THSD7A: variants seen among roughly 807,000 people sequenced by gnomAD.
The protein encoded by THSD7A is thrombospondin type-1 domain-containing protein 7A.
A neutral mutation model predicts 231.3 loss-of-function variants in THSD7A; 96 were observed. The observed-to-expected ratio is 0.41, with a 90% CI of 0.35 to 0.49. THSD7A has a LOEUF of 0.49. Among genes scored for constraint, THSD7A ranks in the 20% least tolerant of loss-of-function variants. THSD7A has a pLI of 0.05. For synonymous variants in THSD7A, 940 were observed against 743.3 expected, an observed-to-expected ratio of 1.26 and a Z score of -4.30; for missense variants, 2,290 against 2,070.2, an observed-to-expected ratio of 1.11 and a Z score of -2.06.
At chr7:11,531,081 A>G (rs967372744) in intron 6 of THSD7A, among the ~76,000 whole-genome samples, 1 of 152,208 alleles carries the variant, frequency 6.6e-6, no homozygotes. Flanking sequence ...GGATAATACC[A>G]TAACACTAGT....
intron 6 of THSD7A, among the ~76,000 whole-genome samples, chr7:11,495,009 T>G (rs968111234): frequency 6.6e-6 from 1 of 152,062 alleles, no homozygotes; most frequent in African/African-American, 2.4e-5. Flanking sequence ...CATAAATGGA[T>G]GTTTAATATC....
Position 11,411,206 on chromosome 7 carries a change from C to A in THSD7A, c.3798+1G>T. On this transcript the variant is annotated splice_donor_variant, in intron 19 of 27. Transcript: ENST00000423059. LOFTEE classifies it high-confidence loss of function. This position sits in a 1 kb window ranked among gnomAD's most constrained non-coding sequence, Gnocchi z 4.1. ...GAAGATATAACACAGCATCCACCTA[C>A]CGCTTCACAATATTTCAGGTCAACT... is the stretch of plus-strand genomic sequence containing the variant. 1 of 1,608,896 alleles carries A rather than the reference C, an allele frequency of 6.2e-7. No homozygotes were observed. The highest frequency in any genetic ancestry group is 8.5e-7 in the Non-Finnish European group (1 of 1,175,806).
intron 4 of THSD7A, among the ~76,000 whole-genome samples, chr7:11,574,415 C>T (rs1270453787): frequency 6.6e-6 from 1 of 150,440 alleles, no homozygotes; most frequent in African/African-American, 2.4e-5. Context: ...ACCTTCCTGT[C>T]ATAGAAAAGG....
chr7:11,820,575 C>G, intron 1 of THSD7A: 1 of 720,376 alleles, frequency 1.4e-6, no homozygotes, highest in Non-Finnish European at 2.4e-6. Context: ...GTTATTGTTC[C>G]CAGAGTAGTT....
At chr7:11,719,188 T>G (rs1342978468) in intron 1 of THSD7A, among the ~76,000 whole-genome samples, 1 of 151,608 alleles carries the variant, frequency 6.6e-6, no homozygotes, top group African/African-American at 2.4e-5. Context: ...TCTCTACTTC[T>G]TTATTCTCTT....
chr7:11,452,846 T>C (rs1291807627), intron 11 of THSD7A, among the ~76,000 whole-genome samples: 1 of 152,038 alleles, frequency 6.6e-6, no homozygotes, highest in Admixed American at 6.6e-5. Context: ...CATTTTAAAA[T>C]ATAAATAATT....
rs780562307 is a variant in THSD7A at position 11,590,523 on chromosome 7, C to G, written c.1390G>C (p.Val464Leu). ...TTTTCGTTGGCCTGCACGCAGTACACCTCTCGGGTCTGGATGCCCCCTCCA... is the reference window on the plus strand; with the variant it reads ...TTTTCGTTGGCCTGCACGCAGTACAGCTCTCGGGTCTGGATGCCCCCTCCA... Reference protein sequence around the residue: ...LCGGGIQTREVYCVQANENLL... With the variant: ...LCGGGIQTRELYCVQANENLL... The change falls in exon 4 of 28, where the codon GTG (valine) becomes CTG (leucine). Residue 464 changes from valine (V) to leucine (L), a missense_variant. Val to Leu is a conservative substitution (Grantham distance 32). Transcript: ENST00000423059. This position sits in a 1 kb window ranked among gnomAD's most constrained non-coding sequence, Gnocchi z 4.4. 6 of 1,613,924 alleles carry G rather than the reference C, an allele frequency of 3.7e-6. No homozygotes were observed. In the South Asian group the frequency reaches 6.6e-5, roughly 18 times the overall value.
chr7:11,448,952 G>A (rs1278739357), intron 11 of THSD7A, among the ~76,000 whole-genome samples: 3 of 151,972 alleles, frequency 2.0e-5, no homozygotes, highest in Non-Finnish European at 4.4e-5. Flanking sequence ...CCTTGATGAA[G>A]GTTAGATGAC....
intron 4 of THSD7A, among the ~76,000 whole-genome samples, chr7:11,581,879 A>C (rs1791182097): frequency 6.6e-6 from 1 of 152,102 alleles, no homozygotes; most frequent in Non-Finnish European, 1.5e-5. Context: ...TATTGACTAG[A>C]AAATATTAAT....
intron 23 of THSD7A, chr7:11,384,730 T>A (rs1782663663): frequency 6.6e-6 from 1 of 151,992 alleles, no homozygotes; most frequent in Admixed American, 6.6e-5. Context: ...TTTTAACTAT[T>A]GATGCTTTAG....
intron 1 of THSD7A, among the ~76,000 whole-genome samples, chr7:11,752,210 C>T (rs1467384005): frequency 6.6e-6 from 1 of 152,028 alleles, no homozygotes; most frequent in East Asian, 1.9e-4. Flanking sequence ...TTCAAGGCTC[C>T]TTATCACACA....
At chr7:11,709,250 G>A (rs1433400689) in intron 1 of THSD7A, among the ~76,000 whole-genome samples, 1 of 150,560 alleles carries the variant, frequency 6.6e-6, no homozygotes, top group Non-Finnish European at 1.5e-5. Context: ...TCCCCATAGT[G>A]CCTTCTAACT....
intron 1 of THSD7A, among the ~76,000 whole-genome samples, chr7:11,743,926 A>C (rs971808182): frequency 4.6e-5 from 7 of 151,928 alleles, no homozygotes; most frequent in African/African-American, 1.4e-4. Flanking sequence ...GCATATTGCT[A>C]ACTTTTAATT....
At chr7:11,379,036 G>C (rs778906073) in intron 26 of THSD7A, 34 bp downstream of exon 26, 1 of 1,604,488 alleles carries the variant, frequency 6.2e-7, no homozygotes, top group Non-Finnish European at 8.5e-7. Context: ...AAGAACTAAA[G>C]GTTTCTCTTT....
intron 1 of THSD7A, among the ~76,000 whole-genome samples, chr7:11,677,064 A>G (rs1180676172): frequency 6.6e-6 from 1 of 152,182 alleles, no homozygotes; most frequent in Non-Finnish European, 1.5e-5. Context: ...CTAACATTGG[A>G]TCTCTCTGCA....
chr7:11,750,747 A>T (rs559270707), intron 1 of THSD7A, among the ~76,000 whole-genome samples: 1 of 152,162 alleles, frequency 6.6e-6, no homozygotes, highest in South Asian at 2.1e-4. Flanking sequence ...GACCTCAGTA[A>T]GACTAGTCTA....
chr7:11,427,858 A>G (rs1313230499), intron 14 of THSD7A, among the ~76,000 whole-genome samples: 1 of 152,174 alleles, frequency 6.6e-6, no homozygotes, highest in Non-Finnish European at 1.5e-5. Context: ...CTAAACTACC[A>G]GTAGATGGCA....
At chr7:11,618,410 A>G (rs972397680) in intron 2 of THSD7A, among the ~76,000 whole-genome samples, 1 of 152,236 alleles carries the variant, frequency 6.6e-6, no homozygotes, top group Non-Finnish European at 1.5e-5. Flanking sequence ...TATGTGTAAA[A>G]TCAGTATGTG....
At position 11,411,122 on chromosome 7, in the gene THSD7A, T is replaced by C. The variant is rs1783769877; in HGVS notation, c.3798+85A>G. 5 of 971,846 alleles carry C rather than the reference T, an allele frequency of 5.1e-6. No individual in the cohort carries two copies. In the Middle Eastern group the frequency reaches 6.4e-4, roughly 125 times the overall value. The allele number at this position is 971,846 out of a possible 1,614,324, so 60.2% of individuals were successfully genotyped here. On this transcript the variant is annotated intron_variant, in intron 19 of 27. Coordinates refer to ENST00000423059, the MANE Select transcript of THSD7A (RefSeq NM_015204.3). This position sits in a 1 kb window ranked among gnomAD's most constrained non-coding sequence, Gnocchi z 4.1. ...AAACATCTGCTGGCAATGAGCTGCA[T>C]GGAGCACGGGTCACTTGGCTCAGCA...
Sources: allele counts gnomAD v4.1 joint callset (sites outside exome capture counted in the v4.1 genomes callset), GRCh38; gene constraint gnomAD v4.1.1; non-coding constraint Gnocchi (gnomAD v3.1); transcripts MANE v1.5; gene names NCBI Gene and HGNC (gene_info 2026-07-23, HGNC 2026-07-21).